CSMD1: variants seen among roughly 807,000 people sequenced by gnomAD.
CSMD1 encodes the protein CUB and sushi domain-containing protein 1.
In CSMD1, 213 loss-of-function variants were observed where a neutral mutation model predicts 417.5. The ratio of observed to expected loss-of-function variants is 0.51; its 90% confidence interval spans 0.46 to 0.57. The LOEUF is 0.57. Ranked by LOEUF, CSMD1 falls within the 20% of genes least tolerant of loss-of-function variation. The probability of loss-of-function intolerance (pLI) is 0.00; values close to 1 mark genes in which losing one functional copy is unlikely to be tolerated. For synonymous variants in CSMD1, 2,862 were observed against 1,736.8 expected (o/e 1.65, Z -16.11); for missense variants, 6,923 against 4,529.7 (o/e 1.53, Z -15.17).
chr8:4,957,361 G>C (rs112568814), intron 1 of CSMD1, among the ~76,000 whole-genome samples: 1 of 152,132 alleles, frequency 6.6e-6, no homozygotes, highest in Non-Finnish European at 1.5e-5. Flanking sequence ...TTGGCAGTTT[G>C]TGAAAAATTA....
At chr8:4,757,740 C>G (rs537252036) in intron 1 of CSMD1, among the ~76,000 whole-genome samples, 3 of 152,074 alleles carry the variant, frequency 2.0e-5, no homozygotes, top group African/African-American at 7.2e-5. Context: ...AAGCAGATCA[C>G]TTGAGGCCAG....
chr8:3,473,519 C>T (rs928928995), intron 11 of CSMD1, among the ~76,000 whole-genome samples: 1 of 151,998 alleles, frequency 6.6e-6, no homozygotes, highest in African/African-American at 2.4e-5. Context: ...TTTTGGCTTG[C>T]TAACACTGAG....
chr8:3,076,597 T>C (rs2129001188), intron 49 of CSMD1, among the ~76,000 whole-genome samples: 1 of 152,294 alleles, frequency 6.6e-6, no homozygotes, highest in South Asian at 2.1e-4. Context: ...GATATTCCCA[T>C]AACTGCTCTC....
At chr8:3,626,101 G>T (rs1796479689) in intron 7 of CSMD1, among the ~76,000 whole-genome samples, 1 of 152,150 alleles carries the variant, frequency 6.6e-6, no homozygotes, top group Non-Finnish European at 1.5e-5. Flanking sequence ...CCATCTGTCT[G>T]ATTCCACATG....
chr8:4,033,643 G>A (rs1279520992), intron 3 of CSMD1, among the ~76,000 whole-genome samples: 1 of 152,156 alleles, frequency 6.6e-6, no homozygotes, highest in East Asian at 1.9e-4. Context: ...CCTCCTGAGG[G>A]CTGCGTCATG....
chr8:4,911,317 T>C (rs114130802), intron 1 of CSMD1, among the ~76,000 whole-genome samples: 3 of 152,318 alleles, frequency 2.0e-5, no homozygotes, highest in African/African-American at 7.2e-5. Flanking sequence ...GCTGAGAGAA[T>C]AACTTAACCA....
In CSMD1 at chr8:3,163,642, A is replaced by G. The variant is rs551360440; in HGVS notation, c.5726-1365T>C. ...GAAAAAAAAAAAAAAGCACAAGTGCAAAGATAAAATGATTAAGAACTTCAA... is the reference window on the plus strand; with the variant it reads ...GAAAAAAAAAAAAAAGCACAAGTGCGAAGATAAAATGATTAAGAACTTCAA... On this transcript the variant is annotated intron_variant, in intron 37 of 69. Transcript: ENST00000635120. 3.3e-5 allele frequency among the ~76,000 whole-genome samples: 5 copies of G among 151,972 alleles called. No individual in the cohort carries two copies. The South Asian group carries it at 1.0e-3, about 32-fold the overall frequency.
intron 5 of CSMD1, among the ~76,000 whole-genome samples, chr8:3,997,474 A>T (rs1294961854): frequency 6.6e-6 from 1 of 152,202 alleles, no homozygotes; most frequent in African/African-American, 2.4e-5. Flanking sequence ...AGAATGTGGT[A>T]CACAGTCTTC....
intron 7 of CSMD1, among the ~76,000 whole-genome samples, chr8:3,663,875 C>T (rs1019438383): frequency 1.3e-5 from 2 of 152,126 alleles, no homozygotes; most frequent in African/African-American, 2.4e-5. Context: ...GTGTCACAGG[C>T]GCAACCTCAA....
chr8:3,446,789 C>T (rs1563398309), intron 12 of CSMD1, among the ~76,000 whole-genome samples: 2 of 152,296 alleles, frequency 1.3e-5, no homozygotes, highest in East Asian at 1.9e-4. Context: ...TGAAATGGAA[C>T]CTGTTGGAAA....
intron 3 of CSMD1, among the ~76,000 whole-genome samples, chr8:4,034,008 T>G (rs1463560931): frequency 6.6e-6 from 1 of 152,206 alleles, no homozygotes; most frequent in Non-Finnish European, 1.5e-5. Flanking sequence ...ATACAAACAC[T>G]TCCAAATAAA....
intron 3 of CSMD1, among the ~76,000 whole-genome samples, chr8:4,196,079 C>G (rs555277574): frequency 1.3e-5 from 2 of 151,980 alleles, no homozygotes; most frequent in Non-Finnish European, 2.9e-5. Context: ...GGCGTGGTGA[C>G]GGGCGCCTGT....
At chr8:4,285,785 G>A (rs552235446) in intron 3 of CSMD1, among the ~76,000 whole-genome samples, 1 of 152,166 alleles carries the variant, frequency 6.6e-6, no homozygotes, top group East Asian at 1.9e-4. Context: ...TGCAGGCTCT[G>A]CTTCTTCTCC....
chr8:3,073,970 G>C (rs1170266860), intron 49 of CSMD1, among the ~76,000 whole-genome samples: 1 of 152,174 alleles, frequency 6.6e-6, no homozygotes, highest in South Asian at 2.1e-4. Context: ...GCCCAAAACA[G>C]CACACATTTA....
intron 7 of CSMD1, among the ~76,000 whole-genome samples, chr8:3,675,284 G>C (rs1374631569): frequency 6.6e-6 from 1 of 152,254 alleles, no homozygotes; most frequent in East Asian, 1.9e-4. Flanking sequence ...CCCTGCTCCT[G>C]GAGGGTTGGC....
At chr8:4,393,478 G>A (rs140582313) in intron 3 of CSMD1, among the ~76,000 whole-genome samples, 3 of 152,282 alleles carry the variant, frequency 2.0e-5, no homozygotes, top group African/African-American at 7.2e-5. Flanking sequence ...ATGTTGAGAT[G>A]GCAGCAGCCA....
chr8:3,581,117 A>G (rs1261371678), intron 9 of CSMD1, among the ~76,000 whole-genome samples: 1 of 152,206 alleles, frequency 6.6e-6, no homozygotes, highest in African/African-American at 2.4e-5. Flanking sequence ...ATTAGCATTA[A>G]AGAAGTTCTC....
At chr8:4,183,547 T>A (rs1342234517) in intron 3 of CSMD1, among the ~76,000 whole-genome samples, 2 of 152,342 alleles carry the variant, frequency 1.3e-5, no homozygotes, top group African/African-American at 2.4e-5. Context: ...ATATGATAAG[T>A]CAGAGACAGA....
At chr8:3,180,350 C>T (rs1821244164) in intron 37 of CSMD1, among the ~76,000 whole-genome samples, 3 of 152,118 alleles carry the variant, frequency 2.0e-5, no homozygotes, top group South Asian at 2.1e-4. Flanking sequence ...ATGCAGGCTC[C>T]GGAGCAACAG....
Sources: gnomAD v4.1 joint callset for allele counts (sites outside exome capture counted in the v4.1 genomes callset) on GRCh38, gnomAD v4.1.1 for gene constraint, MANE v1.5 for transcripts, NCBI Gene and HGNC (gene_info 2026-07-23, HGNC 2026-07-21) for gene names.